The following CIPC variants were observed in gnomAD, a reference collection of about 807,000 sequenced individuals.
The protein encoded by CIPC is CLOCK interacting pacemaker.
CIPC carries 12 observed loss-of-function variants against 26.7 expected under a neutral mutation model. That is an observed-to-expected ratio of 0.45 (90% CI 0.29 to 0.73). CIPC has a LOEUF of 0.73. Ranked by LOEUF, CIPC falls within the 30% of genes least tolerant of loss-of-function variation. The pLI, the probability that CIPC is intolerant of heterozygous loss-of-function variation, is 0.12. For synonymous variants in CIPC, 170 were observed against 189.8 expected, an observed-to-expected ratio of 0.90 and a Z score of 0.86; for missense variants, 417 against 486.5, an observed-to-expected ratio of 0.86 and a Z score of 1.34.
intron 3 of CIPC, among the ~76,000 whole-genome samples, chr14:77,111,686 T>C (rs990376793): frequency 2.0e-5 from 3 of 152,236 alleles, no homozygotes; most frequent in African/African-American, 4.8e-5. Context: ...TCAGGTGATT[T>C]CCACATGAAT....
In CIPC at chr14:77,113,904, C is replaced by T. The variant is rs775246756; in HGVS notation, c.786C>T (p.Pro262=). Residue 262 remains proline, a synonymous_variant, in exon 4 of 4, where the codon CCC becomes CCT. Coordinates refer to ENST00000361786, the MANE Select transcript of CIPC (RefSeq NM_033426.3). ...AKAPSLTFAS[P]ASPVCASDST... Reference sequence around the variant, plus strand: ...CTCCCAGTCTGACCTTCGCTTCCCCCGCCAGTCCTGTCTGCGCATCAGACA... The same window carrying T: ...CTCCCAGTCTGACCTTCGCTTCCCCTGCCAGTCCTGTCTGCGCATCAGACA... 7 of 1,614,098 alleles carry T rather than the reference C, an allele frequency of 4.3e-6. No individual in the cohort carries two copies. The African/African-American group carries it at 5.3e-5, about 12-fold the overall frequency.
intron 1 of CIPC, among the ~76,000 whole-genome samples, chr14:77,104,274 A>G (rs1047646004): frequency 2.6e-5 from 4 of 152,182 alleles, no homozygotes; most frequent in Non-Finnish European, 5.9e-5. Flanking sequence ...CTGTTGTCCC[A>G]GCTACTCCAT....
At chr14:77,112,821 C>T (rs964736674) in intron 3 of CIPC, among the ~76,000 whole-genome samples, 2 of 152,114 alleles carry the variant, frequency 1.3e-5, no homozygotes, top group African/African-American at 4.8e-5. Flanking sequence ...AGCGATTCTC[C>T]TGCCTCAGCC....
At chr14:77,103,444 T>C (rs758583305) in intron 1 of CIPC, among the ~76,000 whole-genome samples, 3 of 152,112 alleles carry the variant, frequency 2.0e-5, no homozygotes, top group Non-Finnish European at 2.9e-5. Context: ...GAGTCAGGAG[T>C]GCATCGTGAA....
chr14:77,114,428 GTGTTGTGGT>G lies in CIPC; in HGVS notation c.*112_*120del, dbSNP rs1886768862. ...GAGCTTTTCCTTCTAAACTTAAACT[GTGTTGTGGT>G]TCACTTAGGAAGCCACGTGCCAATA... On this transcript the variant is annotated 3_prime_UTR_variant, in exon 4 of 4. Coordinates refer to ENST00000361786, the MANE Select transcript of CIPC (RefSeq NM_033426.3). 8.1e-7 allele frequency: 1 copy of G among 1,239,806 alleles called. No individual in the cohort carries two copies. The highest frequency in any genetic ancestry group is 1.1e-6 in the Non-Finnish European group (1 of 887,406). The allele number at this position is 1,239,806 out of a possible 1,614,324, so 76.8% of individuals were successfully genotyped here.
chr14:77,100,593 C>T (rs1392898912), intron 1 of CIPC, among the ~76,000 whole-genome samples: 7 of 148,704 alleles, frequency 4.7e-5, no homozygotes, highest in African/African-American at 1.7e-4. Flanking sequence ...TTTCTTTTGA[C>T]GGAGTCTCAC....
In CIPC at chr14:77,107,554, T is replaced by C. The variant is rs149001463; in HGVS notation, c.136+1710T>C. Among the ~76,000 whole-genome samples the C allele has an allele frequency of 6.4e-3, 979 of 152,248 alleles. 4 individuals carry two copies. Among genetic ancestry groups the C allele is most frequent in the Non-Finnish European group, 0.011 (729 of 68,022 alleles). ...CATTTGTAGTTCAAAAAATTTCAAATCTATACAAAAGCAAATGAATACCCC... is the reference window on the plus strand; with the variant it reads ...CATTTGTAGTTCAAAAAATTTCAAACCTATACAAAAGCAAATGAATACCCC... On this transcript the variant is annotated intron_variant, in intron 2 of 3. Transcript: ENST00000361786.
intron 1 of CIPC, among the ~76,000 whole-genome samples, chr14:77,104,592 T>TTCAGTTCTTTGTTTGTGC (rs1226228286): frequency 5.9e-5 from 9 of 151,832 alleles, no homozygotes; most frequent in Non-Finnish European, 1.0e-4. Context: ...TCCCTGGCCT[T>TTCAGTTCTTTGTTTGTGC]TCAGTTCTTT....
chr14:77,104,462 C>T (rs1351419001), intron 1 of CIPC, among the ~76,000 whole-genome samples: 2 of 152,232 alleles, frequency 1.3e-5, no homozygotes, highest in African/African-American at 4.8e-5. Flanking sequence ...CTTCCCATTG[C>T]GTTTAAGTTA....
chr14:77,110,995 T>C (rs1184975072), intron 3 of CIPC, among the ~76,000 whole-genome samples: 6 of 152,246 alleles, frequency 3.9e-5, no homozygotes, highest in Non-Finnish European at 2.9e-5. Flanking sequence ...TTGAAGATTT[T>C]TGCTTGGTAA....
In CIPC at chr14:77,115,059, T is replaced by C. The variant is rs146639472; in HGVS notation, c.*741T>C. ...TAGTCGATGAATTGCTTTTTTGACT[T>C]AGAAGCTGAAGAAAATAGACATAGC... On this transcript the variant is annotated 3_prime_UTR_variant, in exon 4 of 4. Coordinates refer to ENST00000361786, the MANE Select transcript of CIPC (RefSeq NM_033426.3). The C allele has an allele frequency of 6.6e-6, 1 of 152,310 alleles. No individual in the cohort carries two copies. The highest frequency in any genetic ancestry group is 2.4e-5 in the African/African-American group (1 of 41,556). 9.4% of individuals were successfully genotyped at this position (152,310 alleles called of 1,614,324 possible).
chr14:77,102,383 C>G (rs1886508311), intron 1 of CIPC, among the ~76,000 whole-genome samples: 1 of 152,146 alleles, frequency 6.6e-6, no homozygotes, highest in South Asian at 2.1e-4. Flanking sequence ...AAACAAAAAG[C>G]AACAACAAAG....
At chr14:77,110,694 A>G (rs201330069) in intron 3 of CIPC, among the ~76,000 whole-genome samples, 1 of 54,930 alleles carries the variant, frequency 1.8e-5, no homozygotes, top group Non-Finnish European at 4.9e-5. Context: ...TTAAGTTAGA[A>G]TAGAGAAGTC....
intron 1 of CIPC, among the ~76,000 whole-genome samples, chr14:77,104,239 A>G (rs1335180456): frequency 6.6e-6 from 1 of 152,124 alleles, no homozygotes; most frequent in Non-Finnish European, 1.5e-5. Flanking sequence ...AAAACAAAAA[A>G]TTAGCCAGGT....
rs1423280444 is a variant in CIPC, at chr14:77,116,004, A to C, written c.*1686A>C. The stretch of plus-strand genomic sequence containing the variant: ...CTCAGCTCAGCTTCACCCTGTCTGC[A>C]AAGAAAAGTTTTACCAAGACCAGAA... On this transcript the variant is annotated 3_prime_UTR_variant, in exon 4 of 4. Coordinates refer to ENST00000361786, the MANE Select transcript of CIPC (RefSeq NM_033426.3). 1 of 152,182 alleles carries C rather than the reference A, an allele frequency of 6.6e-6. No individual in the cohort carries two copies. The highest frequency in any genetic ancestry group is 2.4e-5 in the African/African-American group (1 of 41,432). The allele number at this position is 152,182 out of a possible 1,614,324, so 9.4% of individuals were successfully genotyped here. A position where few individuals can be genotyped will look rare whatever the true frequency, so the allele number is the denominator to read the frequency against.
chr14:77,111,798 T>C (rs1288964621), intron 3 of CIPC, among the ~76,000 whole-genome samples: 1 of 152,232 alleles, frequency 6.6e-6, no homozygotes, highest in Non-Finnish European at 1.5e-5. Context: ...AGTAAAATCA[T>C]GGGAAAACAA....
chr14:77,113,803 C>T lies in CIPC; in HGVS notation c.685C>T (p.Gln229Ter). The T allele has an allele frequency of 6.2e-7, 1 of 1,614,148 alleles. No individual in the cohort carries two copies. The highest frequency in any genetic ancestry group is 8.5e-7 in the Non-Finnish European group (1 of 1,180,014). The change falls in exon 4 of 4, where the codon CAG becomes TAG. Residue 229 changes from glutamine to a stop codon, truncating the protein, a stop_gained. Coordinates refer to ENST00000361786, the MANE Select transcript of CIPC (RefSeq NM_033426.3). LOFTEE classifies it high-confidence loss of function. ...CAAACTTGCCGAGGACTCAGCTCTG[C>T]AGGGTGTGCCCTCTCTGGTGGCAGG... ...SAKLAEDSAL[Q>*]GVPSLVAGGS... is the part of the protein sequence containing the mutation.
chr14:77,112,851 C>T (rs576167088), intron 3 of CIPC, among the ~76,000 whole-genome samples: 25 of 152,170 alleles, frequency 1.6e-4, no homozygotes, highest in Non-Finnish European at 3.4e-4. Context: ...GCTGGGACTA[C>T]AGGCGCACAC....
rs1261870258 is a variant in CIPC, at chr14:77,114,328, A to G, written c.*10A>G. The G allele has an allele frequency of 1.9e-6, 3 of 1,577,712 alleles. No homozygotes were observed. Among genetic ancestry groups the G allele is most frequent in the Non-Finnish European group, 2.6e-6 (3 of 1,164,314 alleles). ...TCACCCAGCCATATAGCACAGAGGC[A>G]TATTTTCCTGTTACTTGAGTGGTTC... On this transcript the variant is annotated 3_prime_UTR_variant, in exon 4 of 4. Transcript: ENST00000361786.
Sources: allele counts gnomAD v4.1 joint callset (sites outside exome capture counted in the v4.1 genomes callset), GRCh38; gene constraint gnomAD v4.1.1; transcripts MANE v1.5; gene names NCBI Gene and HGNC (gene_info 2026-07-23, HGNC 2026-07-21).